SUGCT: variants seen among roughly 807,000 people sequenced by gnomAD.
The protein encoded by SUGCT is succinyl-CoA:glutarate CoA-transferase.
Under a neutral mutation model 55.0 loss-of-function variants are expected in SUGCT, and 41 were observed. The ratio of observed to expected loss-of-function variants is 0.74; its 90% CI spans 0.58 to 0.97. The LOEUF (loss-of-function observed/expected upper bound fraction) is 0.97, where lower values mean the gene tolerates loss of function less well. SUGCT is among the 50% of genes least tolerant of loss of function. The pLI is 0.00. For synonymous variants in SUGCT, 187 were observed against 200.4 expected, an observed-to-expected ratio of 0.93 and a Z score of 0.56; for missense variants, 568 against 547.8, an observed-to-expected ratio of 1.04 and a Z score of -0.37.
chr7:40,232,864 TA>T (rs1294678449), intron 6 of SUGCT, among the ~76,000 whole-genome samples: 1 of 152,190 alleles, frequency 6.6e-6, no homozygotes, highest in Non-Finnish European at 1.5e-5. Context: ...TACTTGAATA[TA>T]AAGTAGAATC....
the SUGCT span, among the ~76,000 whole-genome samples, chr7:40,903,786 C>T: frequency 6.6e-6 from 1 of 151,904 alleles, no homozygotes; most frequent in Non-Finnish European, 1.5e-5. Flanking sequence ...CTTACATCCT[C>T]CTACCAAAAA....
intron 12 of SUGCT, among the ~76,000 whole-genome samples, chr7:40,699,843 G>A (rs868110598): frequency 1.3e-5 from 2 of 152,164 alleles, no homozygotes; most frequent in Non-Finnish European, 2.9e-5. Flanking sequence ...GGGTGACAGA[G>A]CGAGACTCCA....
intron 9 of SUGCT, among the ~76,000 whole-genome samples, chr7:40,427,765 AT>A (rs1262470420): frequency 6.6e-6 from 1 of 152,168 alleles, no homozygotes; most frequent in East Asian, 1.9e-4. Context: ...AATGCAGGAT[AT>A]GACATCTGGG....
At chr7:40,392,376 TGGACAGGTAA>T (rs1785487133) in intron 9 of SUGCT, among the ~76,000 whole-genome samples, 1 of 151,722 alleles carries the variant, frequency 6.6e-6, no homozygotes, top group African/African-American at 2.4e-5. Flanking sequence ...GATAGAGAGG[TGGACAGGTAA>T]GCAAGCCTAG....
intron 12 of SUGCT, among the ~76,000 whole-genome samples, chr7:40,749,168 C>G (rs1034390048): frequency 2.6e-5 from 4 of 152,088 alleles, no homozygotes; most frequent in Non-Finnish European, 5.9e-5. Context: ...TATTTAGGAG[C>G]AAATAAAAAT....
In SUGCT at chr7:40,416,051, A is replaced by G. The variant is rs541324102; in HGVS notation, c.817-33236A>G. Among the ~76,000 whole-genome samples the G allele has an allele frequency of 5.3e-4, 81 of 152,030 alleles. 1 individual carries two copies. Among genetic ancestry groups the G allele is most frequent in the African/African-American group, 1.9e-3 (78 of 41,540 alleles). ...CTTTGAAGCATATACTTTTTGGAGG[A>G]TTTTTGTTTATAATACTTTGGCATG... On this transcript the variant is annotated intron_variant, in intron 9 of 13. Coordinates refer to ENST00000335693, the MANE Select transcript of SUGCT (RefSeq NM_001193313.2).
At chr7:41,028,042 C>A in the SUGCT span, among the ~76,000 whole-genome samples, 1 of 152,160 alleles carries the variant, frequency 6.6e-6, no homozygotes, top group African/African-American at 2.4e-5. Flanking sequence ...ATGCAGGAAA[C>A]AGGCTTAGCA....
intron 13 of SUGCT, among the ~76,000 whole-genome samples, chr7:40,816,374 ATCTTC>A (rs1791670299): frequency 2.0e-5 from 3 of 152,156 alleles, no homozygotes; most frequent in African/African-American, 7.2e-5. Context: ...CTCTTACAAC[ATCTTC>A]AATCCTTTCC....
At chr7:40,385,201 A>T (rs748726340) in intron 9 of SUGCT, among the ~76,000 whole-genome samples, 2 of 152,150 alleles carry the variant, frequency 1.3e-5, no homozygotes, top group African/African-American at 2.4e-5. Flanking sequence ...AAATCATACC[A>T]TGTGAGGGGT....
chr7:40,164,164 T>C (rs1321714774), intron 1 of SUGCT, among the ~76,000 whole-genome samples: 2 of 150,068 alleles, frequency 1.3e-5, no homozygotes, highest in Non-Finnish European at 3.0e-5. Context: ...CGTTCTGTCA[T>C]GCAGACTGGA....
intron 11 of SUGCT, among the ~76,000 whole-genome samples, chr7:40,485,004 A>G (rs957071124): frequency 1.1e-4 from 17 of 152,208 alleles, no homozygotes; most frequent in African/African-American, 4.1e-4. Context: ...TAAAGTGAAC[A>G]TAATGATGGT....
intron 11 of SUGCT, among the ~76,000 whole-genome samples, chr7:40,475,070 G>T (rs1224790087): frequency 6.6e-6 from 1 of 152,052 alleles, no homozygotes; most frequent in African/African-American, 2.4e-5. Flanking sequence ...ACTTGCATTG[G>T]GTGCCCATTA....
At chr7:40,541,653 C>T (rs1381899811) in intron 12 of SUGCT, among the ~76,000 whole-genome samples, 1 of 152,110 alleles carries the variant, frequency 6.6e-6, no homozygotes, top group Non-Finnish European at 1.5e-5. Flanking sequence ...TAATACAGTA[C>T]ATATTTTTCA....
At chr7:40,427,207 T>C (rs1787630853) in intron 9 of SUGCT, among the ~76,000 whole-genome samples, 1 of 152,190 alleles carries the variant, frequency 6.6e-6, no homozygotes, top group Non-Finnish European at 1.5e-5. Flanking sequence ...TGTGGGGAGT[T>C]CCAAATGTCT....
chr7:40,587,318 A>G (rs1208589715), intron 12 of SUGCT, among the ~76,000 whole-genome samples: 5 of 152,252 alleles, frequency 3.3e-5, no homozygotes, highest in African/African-American at 9.6e-5. Context: ...AAGTTGAATG[A>G]TAAACAAAGA....
At chr7:40,965,908 T>G in the SUGCT span, 8 of 152,176 alleles carry the variant, frequency 5.3e-5, no homozygotes, top group African/African-American at 1.9e-4. Flanking sequence ...CTAAAAAAAA[T>G]GGTAAGAATT....
the SUGCT span, among the ~76,000 whole-genome samples, chr7:40,972,854 T>C: frequency 2.0e-5 from 3 of 152,172 alleles, no homozygotes; most frequent in African/African-American, 7.2e-5. Context: ...GCTGTAGACC[T>C]TCTGTAAGAC....
chr7:40,589,660 G>A (rs113500236), intron 12 of SUGCT, among the ~76,000 whole-genome samples: 150 of 152,240 alleles, frequency 9.9e-4, no homozygotes, highest in African/African-American at 3.4e-3. Context: ...GGCCATAACA[G>A]ATATATAGGG....
chr7:40,896,308 A>C, the SUGCT span, among the ~76,000 whole-genome samples: 3 of 152,242 alleles, frequency 2.0e-5, no homozygotes, highest in Non-Finnish European at 4.4e-5. Context: ...CTATACACTG[A>C]AAGTACAAAA....
Sources: gnomAD v4.1 joint callset for allele counts (sites outside exome capture counted in the v4.1 genomes callset) on GRCh38, gnomAD v4.1.1 for gene constraint, MANE v1.5 for transcripts, NCBI Gene and HGNC (gene_info 2026-07-23, HGNC 2026-07-21) for gene names.